ASIC2: variants seen among roughly 807,000 people sequenced by gnomAD.
ASIC2 encodes acid-sensing ion channel 2.
ASIC2 carries 25 observed loss-of-function variants against 57.3 expected under a neutral mutation model. That is an observed-to-expected ratio of 0.44 (90% CI 0.32 to 0.61). The LOEUF is 0.61. ASIC2 is among the 20% of genes least tolerant of loss of function. The pLI is 0.06. For synonymous variants in ASIC2, 319 were observed against 307.5 expected, an observed-to-expected ratio of 1.04 and a Z score of -0.39; for missense variants, 641 against 738.1, an observed-to-expected ratio of 0.87 and a Z score of 1.52.
intron 1 of ASIC2, among the ~76,000 whole-genome samples, chr17:33,393,385 T>A (rs1909968133): frequency 6.6e-6 from 1 of 152,012 alleles, no homozygotes; most frequent in Non-Finnish European, 1.5e-5. Context: ...GGAATGCTCT[T>A]CCTTCTCCCG....
intron 1 of ASIC2, among the ~76,000 whole-genome samples, chr17:33,409,369 C>T (rs1311006462): frequency 6.6e-6 from 1 of 152,200 alleles, no homozygotes; most frequent in Admixed American, 6.5e-5. Flanking sequence ...GAGCCAGGTG[C>T]TCTATGTAGA....
At chr17:33,022,370 G>A (rs757078) in intron 6 of ASIC2, among the ~76,000 whole-genome samples, 90,459 of 152,062 alleles carry the variant, frequency 0.59, 27,968 homozygotes, top group African/African-American at 0.77. Flanking sequence ...CAGCTACCCC[G>A]CTGGGCATTG....
At chr17:33,583,434 C>A (rs944045137) in intron 1 of ASIC2, among the ~76,000 whole-genome samples, 3 of 152,084 alleles carry the variant, frequency 2.0e-5, no homozygotes, top group African/African-American at 7.2e-5. Context: ...TGCCTGCCTC[C>A]CTAGAAGAGA....
At chr17:33,466,113 C>A (rs7209964) in intron 1 of ASIC2, among the ~76,000 whole-genome samples, 39,697 of 152,042 alleles carry the variant, frequency 0.26, 5,288 homozygotes, top group African/African-American at 0.31. Flanking sequence ...TTAAAATCTC[C>A]TTAAGCTGAT....
intron 1 of ASIC2, among the ~76,000 whole-genome samples, chr17:34,013,026 A>C (rs1382884040): frequency 6.6e-6 from 1 of 152,202 alleles, no homozygotes; most frequent in Non-Finnish European, 1.5e-5. Flanking sequence ...GGACAGCCTC[A>C]CTGAAATAGT....
At chr17:33,208,741 T>A (rs1258840951) in intron 1 of ASIC2, among the ~76,000 whole-genome samples, 1 of 152,098 alleles carries the variant, frequency 6.6e-6, no homozygotes, top group Non-Finnish European at 1.5e-5. Flanking sequence ...AAAGACATGA[T>A]CAGTCTTGTT....
At chr17:33,115,190 G>A (rs2092276149) in intron 1 of ASIC2, among the ~76,000 whole-genome samples, 1 of 152,260 alleles carries the variant, frequency 6.6e-6, no homozygotes, top group South Asian at 2.1e-4. Context: ...CAGTGTGCTG[G>A]GGCAAGTTCA....
chr17:33,566,141 A>C (rs1916227035), intron 1 of ASIC2, among the ~76,000 whole-genome samples: 1 of 152,144 alleles, frequency 6.6e-6, no homozygotes, highest in African/African-American at 2.4e-5. Flanking sequence ...TCCTTTTGTC[A>C]GGAGGGCTTA....
intron 1 of ASIC2, among the ~76,000 whole-genome samples, chr17:33,185,014 T>C (rs1221782756): frequency 1.3e-5 from 2 of 152,122 alleles, no homozygotes; most frequent in African/African-American, 4.8e-5. Context: ...GAGAGAAATT[T>C]GCCTGAAAGA....
intron 1 of ASIC2, 107 bp from the exon 2 acceptor site, chr17:33,112,174 A>G (rs556916303): frequency 1.7e-5 from 23 of 1,317,756 alleles, no homozygotes; most frequent in African/African-American, 4.5e-5. Context: ...GAGTCCCCAC[A>G]GCCCATCACC....
intron 1 of ASIC2, among the ~76,000 whole-genome samples, chr17:33,191,987 C>T (rs965272344): frequency 3.3e-5 from 5 of 152,158 alleles, no homozygotes; most frequent in Non-Finnish European, 7.4e-5. Context: ...TTCACTACAC[C>T]ATGAAAACAG....
chr17:33,016,261 G>C (rs944701546), intron 8 of ASIC2, among the ~76,000 whole-genome samples: 1 of 152,218 alleles, frequency 6.6e-6, no homozygotes, highest in Non-Finnish European at 1.5e-5. Flanking sequence ...GCTAGGAATA[G>C]GTAATGGAAG....
intron 1 of ASIC2, among the ~76,000 whole-genome samples, chr17:33,885,706 A>G (rs79876571): frequency 2.6e-5 from 4 of 152,336 alleles, no homozygotes; most frequent in African/African-American, 9.6e-5. Flanking sequence ...ATTATGTCCA[A>G]TTAAAAGTCA....
chr17:33,551,694 C>T (rs1446845845), intron 1 of ASIC2, among the ~76,000 whole-genome samples: 1 of 152,152 alleles, frequency 6.6e-6, no homozygotes, highest in African/African-American at 2.4e-5. Flanking sequence ...CTTCAAAACT[C>T]AGTAGGAGGG....
chr17:33,118,522 G>T (rs1387342938), intron 1 of ASIC2, among the ~76,000 whole-genome samples: 1 of 152,064 alleles, frequency 6.6e-6, no homozygotes, highest in Non-Finnish European at 1.5e-5. Flanking sequence ...CCCTCTCCCA[G>T]CCTACTTTGT....
intron 1 of ASIC2, among the ~76,000 whole-genome samples, chr17:33,804,570 T>G (rs369689017): frequency 1.3e-5 from 2 of 152,226 alleles, no homozygotes; most frequent in South Asian, 4.1e-4. Flanking sequence ...GGGTGCTGGG[T>G]GGAGCCCAAG....
At chr17:34,024,527 A>G (rs1907300291) in intron 1 of ASIC2, among the ~76,000 whole-genome samples, 1 of 152,152 alleles carries the variant, frequency 6.6e-6, no homozygotes, top group Non-Finnish European at 1.5e-5. Context: ...CTTTCCATTT[A>G]CTTTCCCTCC....
At chr17:34,022,932 T>C (rs964929739) in intron 1 of ASIC2, among the ~76,000 whole-genome samples, 1 of 152,028 alleles carries the variant, frequency 6.6e-6, no homozygotes, top group African/African-American at 2.4e-5. Context: ...AGTGAGTGAG[T>C]TCTCATGATA....
intron 4 of ASIC2, 72 bp downstream of exon 4, chr17:33,028,170 T>C: frequency 1.3e-6 from 2 of 1,558,462 alleles, no homozygotes; most frequent in Non-Finnish European, 1.8e-6. Context: ...GTGTTTCCCA[T>C]TAGGATGAGA....
Sources: gnomAD v4.1 joint callset for allele counts (sites outside exome capture counted in the v4.1 genomes callset) on GRCh38, gnomAD v4.1.1 for gene constraint, MANE v1.5 for transcripts, NCBI Gene and HGNC (gene_info 2026-07-23, HGNC 2026-07-21) for gene names.